LRP1: variants seen among roughly 807,000 people sequenced by gnomAD.
The protein encoded by LRP1 is prolow-density lipoprotein receptor-related protein 1.
Under a neutral mutation model 541.5 loss-of-function variants are expected in LRP1, and 51 were observed. The observed-to-expected ratio is 0.09, with a 90% CI of 0.08 to 0.12. The LOEUF (loss-of-function observed/expected upper bound fraction) is 0.12, where lower values mean the gene tolerates loss of function less well. LRP1 is among the 10% of genes least tolerant of loss of function. The probability of loss-of-function intolerance (pLI) is 1.00; values close to 1 mark genes in which losing one functional copy is unlikely to be tolerated. For synonymous variants in LRP1, 2,219 were observed against 2,470.8 expected (o/e 0.90, Z 3.02); for missense variants, 3,878 against 6,376.2 (o/e 0.61, Z 13.34).
intron 44 of LRP1, among the ~76,000 whole-genome samples, chr12:57,192,021 C>T (rs1464594775): frequency 1.4e-5 from 2 of 137,938 alleles, no homozygotes; most frequent in South Asian, 4.9e-4. Flanking sequence ...TGCCACACAC[C>T]TACCACCCAC....
chr12:57,171,330 A>G (rs944596951), intron 20 of LRP1, among the ~76,000 whole-genome samples: 3 of 152,088 alleles, frequency 2.0e-5, no homozygotes, highest in African/African-American at 7.2e-5. Context: ...TTGTGTTTAG[A>G]CTGCAGGTAA....
At chr12:57,157,538 G>A (rs2035645403) in intron 10 of LRP1, among the ~76,000 whole-genome samples, 1 of 152,224 alleles carries the variant, frequency 6.6e-6, no homozygotes, top group Admixed American at 6.5e-5. Flanking sequence ...TTGAACCTGG[G>A]AGGTGGAGGT....
chr12:57,185,040 G>T lies in LRP1; in HGVS notation c.6339-41G>T, dbSNP rs1261505920. 1.9e-6 allele frequency: 3 copies of T among 1,613,918 alleles called. No homozygotes were observed. In the African/African-American group the frequency reaches 4.0e-5, roughly 22 times the overall value. ...TCAGCTGATCTCTTCCTTCCCTCCT[G>T]CCTCCACTGATGCCCTGCTTGTGCC... On this transcript the variant is annotated intron_variant, in intron 39 of 88. Transcript: ENST00000243077. The surrounding 1 kb of genome is among the most constrained non-coding windows in gnomAD (Gnocchi z 4.9).
At chr12:57,142,519 G>A (rs554461614) in intron 3 of LRP1, among the ~76,000 whole-genome samples, 74 of 152,212 alleles carry the variant, frequency 4.9e-4, no homozygotes, top group Middle Eastern at 6.8e-3. Flanking sequence ...CTCCTGGGAC[G>A]GGATGCAGAA....
chr12:57,144,182 T>G (rs982265285), intron 4 of LRP1, among the ~76,000 whole-genome samples: 2 of 152,208 alleles, frequency 1.3e-5, no homozygotes, highest in African/African-American at 4.8e-5. Flanking sequence ...TCTCTGGGTA[T>G]TCACAGAAAA....
rs752747822 is a variant in LRP1, at chr12:57,177,243, T to G, written c.4194T>G (p.Asp1398Glu). The change falls in exon 25 of 89, where the codon GAT becomes GAG. Residue 1398 changes from aspartate (D) to glutamate (E), a missense_variant and splice_region_variant. Physicochemically the swap from Asp to Glu is conservative, Grantham distance 45 (BLOSUM62 2). Around this residue, in one of 13 missense-constraint regions of LRP1, gnomAD observed 24 missense variants for 109.1 expected, o/e 0.22. Coordinates refer to ENST00000243077, the MANE Select transcript of LRP1 (RefSeq NM_002332.3). This position sits in a 1 kb window ranked among gnomAD's most constrained non-coding sequence, Gnocchi z 6.8. ...GGGCAATCGCACTGGATCCCCGGGA[T>G]GGGTGAGGACCTTGCCCAGCCTTCT... ...HPRAIALDPR[D>E]GILFWTDWDA... The G allele has an allele frequency of 6.2e-7, 1 of 1,613,988 alleles. No individual in the cohort carries two copies.
intron 33 of LRP1, 131 bp from the exon 34 acceptor site, chr12:57,181,026 G>T: frequency 7.9e-7 from 1 of 1,268,940 alleles, no homozygotes; most frequent in Non-Finnish European, 1.1e-6. Context: ...CCTGAGAGCT[G>T]GGTAGGGTGG....
rs1425104964 is a variant in LRP1, at chr12:57,189,583, T to C, written c.7032-1222T>C. 6.6e-6 allele frequency among the ~76,000 whole-genome samples: 1 copy of C among 151,986 alleles called. No homozygotes were observed. Among genetic ancestry groups the C allele is most frequent in the African/African-American group, 2.4e-5 (1 of 41,370 alleles). Reference sequence around the variant, plus strand: ...CCCAGCAGAAGGCGGGATAGTTCAATGGTGCTGGAGACGCTGGGGGTGGGC... The same window carrying C: ...CCCAGCAGAAGGCGGGATAGTTCAACGGTGCTGGAGACGCTGGGGGTGGGC... On this transcript the variant is annotated intron_variant, in intron 42 of 88. Transcript: ENST00000243077. This position sits in a 1 kb window ranked among gnomAD's most constrained non-coding sequence, Gnocchi z 4.4.
chr12:57,196,889 G>T, intron 55 of LRP1, 93 bp from the exon 56 acceptor site: 1 of 1,132,280 alleles, frequency 8.8e-7, no homozygotes, highest in South Asian at 1.4e-5. Flanking sequence ...TAGTGAGGCC[G>T]GGTAGAGGGA....
rs1349539454 is a variant in LRP1 at position 57,210,317 on chromosome 12, T to A, written c.12591T>A (p.Pro4197=). ...SPTPPPDAPR[P]GTCNLQCFNG... ...GGGCCCTTCCTGCAGCTCCCCGGCC[T>A]GGAACCTGTAACCTGCAGTGCTTCA... The change falls in exon 82 of 89, where the codon CCT becomes CCA. Residue 4197 remains proline, a synonymous_variant. Coordinates refer to ENST00000243077, the MANE Select transcript of LRP1 (RefSeq NM_002332.3). 6.4e-7 allele frequency: 1 copy of A among 1,558,996 alleles called. No individual in the cohort carries two copies. The highest frequency in any genetic ancestry group is 2.3e-5 in the East Asian group (1 of 44,320).
chr12:57,157,667 A>G (rs2035647973), intron 10 of LRP1, among the ~76,000 whole-genome samples: 1 of 152,236 alleles, frequency 6.6e-6, no homozygotes, highest in Non-Finnish European at 1.5e-5. Context: ...TGAGGAGAGC[A>G]AGGGCCTCTC....
intron 20 of LRP1, among the ~76,000 whole-genome samples, chr12:57,171,450 G>A (rs1431197110): frequency 1.3e-5 from 2 of 152,162 alleles, no homozygotes; most frequent in Non-Finnish European, 1.5e-5. Context: ...GTGGGGCCAG[G>A]TGGAGCCGTT....
intron 2 of LRP1, among the ~76,000 whole-genome samples, chr12:57,141,100 G>A (rs939020314): frequency 6.6e-6 from 1 of 152,164 alleles, no homozygotes; most frequent in Non-Finnish European, 1.5e-5. Context: ...TGTCTCCTGA[G>A]CATAGAATGT....
At chr12:57,176,463 C>T (rs761408164) in intron 24 of LRP1, among the ~76,000 whole-genome samples, 1 of 152,202 alleles carries the variant, frequency 6.6e-6, no homozygotes, top group Non-Finnish European at 1.5e-5. Flanking sequence ...TTCCTTCAGT[C>T]ACACACAATA....
At position 57,158,678 on chromosome 12, in the gene LRP1, G is replaced by A; in HGVS notation, c.1798+40G>A. 1.3e-6 allele frequency: 2 copies of A among 1,579,736 alleles called. No individual in the cohort carries two copies. Among genetic ancestry groups the A allele is most frequent in the South Asian group, 1.1e-5 (1 of 90,276 alleles). Reference sequence around the variant, plus strand: ...GGATGTGGCCCATGGGGATGGAAGGGGGCTGGGGCCCAGGCATCTGTTTCT... The same window carrying A: ...GGATGTGGCCCATGGGGATGGAAGGAGGCTGGGGCCCAGGCATCTGTTTCT... On this transcript the variant is annotated intron_variant, in intron 11 of 88. Coordinates refer to ENST00000243077, the MANE Select transcript of LRP1 (RefSeq NM_002332.3). This position sits in a 1 kb window ranked among gnomAD's most constrained non-coding sequence, Gnocchi z 5.3.
At chr12:57,191,102 G>A (rs1356419467) in intron 43 of LRP1, 93 bp downstream of exon 43, 1 of 1,369,442 alleles carries the variant, frequency 7.3e-7, no homozygotes, top group Non-Finnish European at 1.0e-6. Context: ...CACAGACATG[G>A]TGGGAACAGC....
At chr12:57,192,700 C>T (rs1459762433) in intron 44 of LRP1, 145 bp from the exon 45 acceptor site, 1 of 1,115,722 alleles carries the variant, frequency 9.0e-7, no homozygotes, top group South Asian at 1.4e-5. Context: ...CCCATGCCCT[C>T]CCCACTGGCT....
At chr12:57,135,244 A>T (rs945153100) in intron 1 of LRP1, among the ~76,000 whole-genome samples, 3 of 152,302 alleles carry the variant, frequency 2.0e-5, no homozygotes, top group Admixed American at 2.0e-4. Context: ...GGGTTCTCTC[A>T]TGCGGGCCAG....
chr12:57,135,825 G>T (rs1405848813), intron 1 of LRP1, among the ~76,000 whole-genome samples: 2 of 152,200 alleles, frequency 1.3e-5, no homozygotes, highest in Non-Finnish European at 2.9e-5. Context: ...GGCCAAAAAT[G>T]GGGGTGGGGG....
Sources: gnomAD v4.1 joint callset for allele counts (sites outside exome capture counted in the v4.1 genomes callset) on GRCh38, gnomAD v4.1.1 for gene constraint, gnomAD v4.1.1 regional missense constraint, Gnocchi (gnomAD v3.1) non-coding constraint, MANE v1.5 for transcripts, NCBI Gene and HGNC (gene_info 2026-07-23, HGNC 2026-07-21) for gene names.